Variants in CACNA2D3 observed in about 807,000 individuals in gnomAD.
The protein encoded by CACNA2D3 is calcium voltage-gated channel auxiliary subunit alpha2delta 3.
Under a neutral mutation model 160.6 loss-of-function variants are expected in CACNA2D3, and 60 were observed. That is an observed-to-expected ratio of 0.37 (90% confidence interval 0.30 to 0.46). CACNA2D3 has a LOEUF of 0.46. Among genes scored for constraint, CACNA2D3 ranks in the 20% least tolerant of loss-of-function variants. The pLI, the probability that CACNA2D3 is intolerant of heterozygous loss-of-function variation, is 1.00. For synonymous variants in CACNA2D3, 558 were observed against 492.9 expected (o/e 1.13, Z -1.75); for missense variants, 1,205 against 1,365.0 (o/e 0.88, Z 1.85).
intron 13 of CACNA2D3, among the ~76,000 whole-genome samples, chr3:54,811,678 T>G (rs1294339115): frequency 6.6e-6 from 1 of 151,782 alleles, no homozygotes; most frequent in Non-Finnish European, 1.5e-5. Context: ...TTTTTGTATT[T>G]TTAGTAGAGA....
At chr3:54,189,852 A>G (rs61677472) in intron 2 of CACNA2D3, among the ~76,000 whole-genome samples, 3,713 of 152,248 alleles carry the variant, frequency 0.024, 163 homozygotes, top group African/African-American at 0.084. Context: ...TTGTTTTCTT[A>G]TGTCATTAAA....
intron 11 of CACNA2D3, among the ~76,000 whole-genome samples, chr3:54,746,862 T>C (rs1701761320): frequency 6.6e-6 from 1 of 152,200 alleles, no homozygotes; most frequent in South Asian, 2.1e-4. Context: ...GACAGCTGGG[T>C]ACAGATCTGC....
intron 4 of CACNA2D3, among the ~76,000 whole-genome samples, chr3:54,462,089 G>A (rs1358757056): frequency 1.3e-5 from 2 of 152,236 alleles, no homozygotes; most frequent in East Asian, 3.9e-4. Context: ...GAGTGGTTTT[G>A]AGTGAGTTTC....
intron 24 of CACNA2D3, among the ~76,000 whole-genome samples, chr3:54,890,357 G>A (rs562490122): frequency 1.8e-4 from 27 of 151,952 alleles, no homozygotes; most frequent in Admixed American, 1.1e-3. Context: ...TAAGCCAGGC[G>A]TGGTGGTAGG....
In CACNA2D3 at chr3:54,332,690, G is replaced by A. The variant is rs142264998; in HGVS notation, c.321+12132G>A. On this transcript the variant is annotated intron_variant, in intron 3 of 37. Transcript: ENST00000474759. ...AGGAGAAAATAAAAGCTTGAGAGTA[G>A]AGGTGCAATTTTTGTGTCTTCTTTT... 1.0e-3 allele frequency among the ~76,000 whole-genome samples: 152 copies of A among 152,248 alleles called. 1 individual carries two copies. The highest frequency in any genetic ancestry group is 3.4e-3 in the African/African-American group (140 of 41,536).
intron 4 of CACNA2D3, among the ~76,000 whole-genome samples, chr3:54,400,397 C>T (rs911004217): frequency 3.3e-5 from 5 of 152,200 alleles, no homozygotes; most frequent in Non-Finnish European, 7.4e-5. Flanking sequence ...ACTCCTCTTC[C>T]ATGGATATTC....
chr3:54,371,238 C>G (rs762436656), intron 3 of CACNA2D3, among the ~76,000 whole-genome samples: 12 of 152,012 alleles, frequency 7.9e-5, no homozygotes, highest in African/African-American at 2.9e-4. Context: ...ATCTAGGAGT[C>G]GAATTGCTGG....
At chr3:54,405,426 G>C (rs1262370587) in intron 4 of CACNA2D3, among the ~76,000 whole-genome samples, 1 of 151,826 alleles carries the variant, frequency 6.6e-6, no homozygotes, top group Non-Finnish European at 1.5e-5. Flanking sequence ...AAACATATGT[G>C]GTCAACTAGT....
chr3:54,192,429 ATTC>A (rs1348886047), intron 2 of CACNA2D3, among the ~76,000 whole-genome samples: 1 of 152,150 alleles, frequency 6.6e-6, no homozygotes, highest in East Asian at 1.9e-4. Flanking sequence ...CATGCACAGT[ATTC>A]TTTGGTGTAA....
At chr3:54,295,104 A>G (rs972092604) in intron 2 of CACNA2D3, among the ~76,000 whole-genome samples, 1 of 152,226 alleles carries the variant, frequency 6.6e-6, no homozygotes, top group Non-Finnish European at 1.5e-5. Context: ...ACACATCTTC[A>G]GTGGAGACAC....
chr3:54,767,633 G>A (rs956759138), intron 13 of CACNA2D3, among the ~76,000 whole-genome samples: 1 of 152,030 alleles, frequency 6.6e-6, no homozygotes, highest in African/African-American at 2.4e-5. Flanking sequence ...GGGACCCTTA[G>A]AGTAATTGCT....
chr3:54,963,023 G>C (rs891634243), intron 27 of CACNA2D3, among the ~76,000 whole-genome samples: 1 of 152,116 alleles, frequency 6.6e-6, no homozygotes, highest in Non-Finnish European at 1.5e-5. Context: ...CTATTAACAT[G>C]ATATGAGATG....
At chr3:54,811,940 A>T (rs1703330777) in intron 13 of CACNA2D3, among the ~76,000 whole-genome samples, 1 of 152,222 alleles carries the variant, frequency 6.6e-6, no homozygotes, top group Admixed American at 6.5e-5. Context: ...CTTACCTAAT[A>T]AGATTACTGT....
intron 35 of CACNA2D3, among the ~76,000 whole-genome samples, chr3:55,068,855 GTTTAC>G (rs769647260): frequency 1.3e-5 from 2 of 152,126 alleles, no homozygotes; most frequent in African/African-American, 4.8e-5. Flanking sequence ...CTGAACATGA[GTTTAC>G]TTTACTGAGA....
At chr3:55,063,246 C>T (rs78377924) in intron 35 of CACNA2D3, among the ~76,000 whole-genome samples, 8,788 of 152,130 alleles carry the variant, frequency 0.058, 364 homozygotes, top group Non-Finnish European at 0.08. Context: ...GAATCATAGG[C>T]CCTACCCTAG....
chr3:54,871,223 A>G (rs59878294), intron 17 of CACNA2D3, among the ~76,000 whole-genome samples: 1 of 143,966 alleles, frequency 6.9e-6, no homozygotes, highest in Non-Finnish European at 1.6e-5. Flanking sequence ...ACACACACAC[A>G]CCCCCCATTC....
At chr3:54,323,574 C>T (rs1225263577) in intron 3 of CACNA2D3, among the ~76,000 whole-genome samples, 1 of 151,420 alleles carries the variant, frequency 6.6e-6, no homozygotes, top group African/African-American at 2.4e-5. Context: ...TCACGCCTTT[C>T]TCCTGCCTCA....
At chr3:54,866,311 C>T (rs1489652862) in intron 17 of CACNA2D3, among the ~76,000 whole-genome samples, 2 of 152,208 alleles carry the variant, frequency 1.3e-5, no homozygotes, top group East Asian at 1.9e-4. Context: ...GGCGTACCTA[C>T]ATCCCTTCTC....
At chr3:54,477,934 G>A (rs1700858797) in intron 4 of CACNA2D3, among the ~76,000 whole-genome samples, 1 of 152,096 alleles carries the variant, frequency 6.6e-6, no homozygotes, top group Admixed American at 6.5e-5. Context: ...ACTAACAGTT[G>A]CTTTCTTTCA....
Sources: allele counts gnomAD v4.1 joint callset (sites outside exome capture counted in the v4.1 genomes callset), GRCh38; gene constraint gnomAD v4.1.1; transcripts MANE v1.5; gene names NCBI Gene and HGNC (gene_info 2026-07-23, HGNC 2026-07-21).